The following AKR1C2 variants were observed in gnomAD, a reference collection of about 807,000 sequenced individuals.
The protein encoded by AKR1C2 is 3-alpha-HSD3.
AKR1C2 carries 27 observed loss-of-function variants against 39.8 expected under a neutral mutation model. The ratio of observed to expected loss-of-function variants is 0.68; its 90% CI spans 0.50 to 0.93. The LOEUF is 0.93. AKR1C2 is among the 40% of genes least tolerant of loss of function. The pLI, the probability that AKR1C2 is intolerant of heterozygous loss-of-function variation, is 0.00. For synonymous variants in AKR1C2, 114 were observed against 137.9 expected, an observed-to-expected ratio of 0.83 and a Z score of 1.22; for missense variants, 263 against 365.1, an observed-to-expected ratio of 0.72 and a Z score of 2.28.
At position 5,001,666 on chromosome 10, in the gene AKR1C2, C is replaced by A; in HGVS notation, c.100G>T (p.Ala34Ser). 6.2e-7 allele frequency: 1 copy of A among 1,613,814 alleles called. No homozygotes were observed. The highest frequency in any genetic ancestry group is 8.5e-7 in the Non-Finnish European group (1 of 1,179,786). Reference sequence around the variant, plus strand: ...ATTGCCAATTTGACGGCCTCTAGAGCTTTACTTTTAGGAACCTGGGGGAGC... The same window carrying A: ...ATTGCCAATTTGACGGCCTCTAGAGATTTACTTTTAGGAACCTGGGGGAGC... Reference protein sequence around the residue: ...YAPAEVPKSKALEAVKLAIEA... With the variant: ...YAPAEVPKSKSLEAVKLAIEA... Residue 34 changes from alanine to serine, a missense_variant, in exon 2 of 9, where the codon GCT (alanine) becomes TCT (serine). Ala to Ser is a moderately conservative substitution (Grantham distance 99). This residue lies in a region of AKR1C2 where 247 missense variants were observed against 267.9 expected (regional missense o/e 0.92). Coordinates refer to ENST00000380753, the MANE Select transcript of AKR1C2 (RefSeq NM_001393392.1).
intron 7 of AKR1C2, among the ~76,000 whole-genome samples, chr10:4,994,270 T>TTC (rs1836951113): frequency 3.2e-3 from 1 of 312 alleles, no homozygotes; most frequent in African/African-American, 6.0e-3. Flanking sequence ...ATAATATATC[T>TTC]ATATATATTC....
At chr10:5,015,638 T>C (rs1363944925) in intron 1 of AKR1C2, among the ~76,000 whole-genome samples, 4 of 152,070 alleles carry the variant, frequency 2.6e-5, no homozygotes, top group African/African-American at 9.7e-5. Context: ...CAATGTAAGG[T>C]GTTGCAAACC....
upstream of AKR1C2, among the ~76,000 whole-genome samples, chr10:5,006,967 T>C (rs1837420143): frequency 6.7e-6 from 1 of 150,240 alleles, no homozygotes; most frequent in Admixed American, 6.6e-5. Context: ...AGAGACAGGG[T>C]TTCACTATGG....
intron 8 of AKR1C2, among the ~76,000 whole-genome samples, chr10:4,991,353 A>T (rs1203150614): frequency 2.0e-5 from 3 of 152,112 alleles, no homozygotes; most frequent in Non-Finnish European, 4.4e-5. Context: ...AATTGACAGG[A>T]TCCAGCAAGC....
chr10:4,997,973 T>A (rs574541949), intron 5 of AKR1C2, among the ~76,000 whole-genome samples: 17 of 152,308 alleles, frequency 1.1e-4, no homozygotes, highest in Admixed American at 1.1e-3. Flanking sequence ...AGCAGCCGAC[T>A]AGGAGCGGGG....
At chr10:4,990,454 G>C (rs551690445) in intron 8 of AKR1C2, among the ~76,000 whole-genome samples, 1 of 152,298 alleles carries the variant, frequency 6.6e-6, no homozygotes, top group Non-Finnish European at 1.5e-5. Context: ...AATTTTGAGT[G>C]TGATAATTAT....
intron 1 of AKR1C2, among the ~76,000 whole-genome samples, chr10:5,017,394 G>C (rs1682074309): frequency 6.6e-6 from 1 of 152,164 alleles, no homozygotes; most frequent in Non-Finnish European, 1.5e-5. Context: ...TTGATGCTTA[G>C]AAATTTCTTC....
intron 1 of AKR1C2, 113 bp from the exon 2 acceptor site, chr10:5,001,794 T>C: frequency 7.2e-7 from 1 of 1,383,782 alleles, no homozygotes; most frequent in Non-Finnish European, 1.0e-6. Context: ...GGATGAGCTC[T>C]GTATGTAGAA....
upstream of AKR1C2, among the ~76,000 whole-genome samples, chr10:5,007,047 C>T (rs1313484473): frequency 6.8e-6 from 1 of 147,682 alleles, no homozygotes. Context: ...GCTCGGATTA[C>T]AGGCATTAGC....
chr10:5,013,995 A>G (rs1446042889), intron 1 of AKR1C2, among the ~76,000 whole-genome samples: 1 of 152,140 alleles, frequency 6.6e-6, no homozygotes, highest in Admixed American at 6.5e-5. Context: ...GCTTAGTAAA[A>G]TGTCCTCAAG....
intron 1 of AKR1C2, among the ~76,000 whole-genome samples, chr10:5,011,029 T>C (rs1163968549): frequency 2.6e-5 from 3 of 115,390 alleles, no homozygotes; most frequent in Non-Finnish European, 5.5e-5. Flanking sequence ...ACCAATAAGC[T>C]TCTGTAAAGC....
rs113361610 is a variant in AKR1C2 at position 4,989,699 on chromosome 10, G to T, written c.*297C>A. 3,039 of 460,174 alleles carry T rather than the reference G, an allele frequency of 6.6e-3. 89 individuals are homozygous for T. The highest frequency in any genetic ancestry group is 0.058 in the African/African-American group (2,789 of 48,392). The allele number at this position is 460,174 out of a possible 1,614,324, so 28.5% of individuals were successfully genotyped here. On this transcript the variant is annotated 3_prime_UTR_variant, in exon 9 of 9. Transcript: ENST00000380753. ...ACATCTTCCAACCCCGGCCCTAAAC[G>T]TATAGGCAAATCACAATTTGGGGGC...
At chr10:4,990,959 T>C (rs1336181844) in intron 8 of AKR1C2, among the ~76,000 whole-genome samples, 5 of 151,454 alleles carry the variant, frequency 3.3e-5, no homozygotes, top group South Asian at 4.1e-4. Flanking sequence ...TGATGTACCA[T>C]TGTGCTTGTT....
At chr10:5,017,722 C>T (rs1323925902) in intron 1 of AKR1C2, among the ~76,000 whole-genome samples, 3 of 152,190 alleles carry the variant, frequency 2.0e-5, no homozygotes, top group Non-Finnish European at 4.4e-5. Flanking sequence ...TTGACATTTT[C>T]AGGTATCTTT....
chr10:5,017,261 C>CA (rs1177624679), intron 1 of AKR1C2, among the ~76,000 whole-genome samples: 1 of 152,202 alleles, frequency 6.6e-6, no homozygotes, highest in Admixed American at 6.5e-5. Flanking sequence ...TGGCCAGGCT[C>CA]AAGTTATTCA....
rs1554771631 is a variant in AKR1C2, at chr10:4,987,830, TTATAACTC to T, written c.*2158_*2165del. ...ATATGTTCACATTTACAAGAAGTCT[TTATAACTC>T]TATATGGCTGTAAGTTACTATTTCC... On this transcript the variant is annotated 3_prime_UTR_variant, in exon 9 of 9. Transcript: ENST00000380753. 2 of 136,310 alleles carry T rather than the reference TTATAACTC, an allele frequency of 1.5e-5. No individual in the cohort carries two copies. Among genetic ancestry groups the T allele is most frequent in the African/African-American group, 5.7e-5 (2 of 35,338 alleles). The allele number at this position is 136,310 out of a possible 1,614,324, so 8.4% of individuals were successfully genotyped here.
intron 1 of AKR1C2, among the ~76,000 whole-genome samples, chr10:5,017,113 T>A (rs1249409159): frequency 1.3e-5 from 2 of 152,228 alleles, no homozygotes; most frequent in Admixed American, 6.5e-5. Flanking sequence ...AGGGGTTACC[T>A]TGAAGGTCTC....
At chr10:5,002,040 G>A (rs1247480266) in intron 1 of AKR1C2, among the ~76,000 whole-genome samples, 1 of 152,168 alleles carries the variant, frequency 6.6e-6, no homozygotes, top group African/African-American at 2.4e-5. Context: ...ATAGCCACAT[G>A]GAAGGAATTA....
At chr10:5,006,570 T>G (rs1554774418), upstream of AKR1C2, 1 of 151,472 alleles carries the variant, frequency 6.6e-6, no homozygotes, top group Admixed American at 6.6e-5. Context: ...ACCATCGCAC[T>G]CCAGCTTGGG....
Sources: allele counts gnomAD v4.1 joint callset (sites outside exome capture counted in the v4.1 genomes callset), GRCh38; gene constraint gnomAD v4.1.1; regional missense constraint gnomAD v4.1.1; transcripts MANE v1.5; gene names NCBI Gene and HGNC (gene_info 2026-07-23, HGNC 2026-07-21).